GOLGA1: variants seen among roughly 807,000 people sequenced by gnomAD.
The protein encoded by GOLGA1 is golgin A1.
A neutral mutation model predicts 119.7 loss-of-function variants in GOLGA1; 63 were observed. The observed-to-expected ratio is 0.53, with a 90% CI of 0.43 to 0.65. GOLGA1 has a LOEUF of 0.65. GOLGA1 is among the 30% of genes least tolerant of loss of function. The pLI is 0.00. For synonymous variants in GOLGA1, 318 were observed against 333.4 expected (o/e 0.95, Z 0.50); for missense variants, 798 against 912.8 (o/e 0.87, Z 1.62).
intron 3 of GOLGA1, among the ~76,000 whole-genome samples, chr9:124,934,740 A>T (rs1375016852): frequency 1.3e-5 from 2 of 152,124 alleles, no homozygotes; most frequent in Non-Finnish European, 2.9e-5. Flanking sequence ...ACATGAACAG[A>T]TCTGCTTTTA....
intron 12 of GOLGA1, among the ~76,000 whole-genome samples, chr9:124,904,742 C>T (rs1398968226): frequency 1.3e-5 from 2 of 152,036 alleles, no homozygotes; most frequent in African/African-American, 2.4e-5. Flanking sequence ...GAGTTCAAGA[C>T]CAGCCTGGCC....
At chr9:124,932,723 T>C (rs190983002) in intron 3 of GOLGA1, among the ~76,000 whole-genome samples, 12 of 152,304 alleles carry the variant, frequency 7.9e-5, no homozygotes, top group East Asian at 1.9e-4. Flanking sequence ...ACAACAGAAA[T>C]GTATTTCTCA....
At chr9:124,899,598 C>G in intron 13 of GOLGA1, 120 bp from the exon 14 acceptor site, 1 of 1,028,694 alleles carries the variant, frequency 9.7e-7, no homozygotes, top group Non-Finnish European at 1.4e-6. Flanking sequence ...TGACCCCATC[C>G]CCCCTGGCGT....
At chr9:124,903,651 C>CAAAAAAAAA (rs11435294) in intron 12 of GOLGA1, among the ~76,000 whole-genome samples, 37 of 91,250 alleles carry the variant, frequency 4.1e-4, no homozygotes, top group Admixed American at 6.8e-4. Context: ...AGAAAAAGAC[C>CAAAAAAAAA]AAAAAAAAAA....
chr9:124,896,159 A>T (rs1564327248), intron 15 of GOLGA1, among the ~76,000 whole-genome samples: 2 of 152,172 alleles, frequency 1.3e-5, no homozygotes, highest in Non-Finnish European at 2.9e-5. Flanking sequence ...CACGCCTGTA[A>T]TCCCAGCACT....
chr9:124,886,019 G>T (rs1469594409), intron 19 of GOLGA1, among the ~76,000 whole-genome samples: 3 of 152,242 alleles, frequency 2.0e-5, no homozygotes, highest in Non-Finnish European at 4.4e-5. Flanking sequence ...TGCTGGTAGA[G>T]AAAGAACCAA....
chr9:124,941,190 G>C (rs921822682), upstream of GOLGA1: 2 of 152,290 alleles, frequency 1.3e-5, no homozygotes, highest in Non-Finnish European at 2.9e-5. Context: ...TACCACCTCT[G>C]AGCGGCGACT....
At chr9:124,908,860 C>T (rs1473225711) in intron 11 of GOLGA1, among the ~76,000 whole-genome samples, 3 of 152,180 alleles carry the variant, frequency 2.0e-5, no homozygotes, top group Non-Finnish European at 2.9e-5. Flanking sequence ...CAGCCTGCTA[C>T]GTTGAGGGAA....
intron 10 of GOLGA1, among the ~76,000 whole-genome samples, chr9:124,914,914 T>A (rs918608783): frequency 6.6e-6 from 1 of 152,226 alleles, no homozygotes; most frequent in South Asian, 2.1e-4. Context: ...AGAAAAAGAA[T>A]CAGTGGCCAA....
chr9:124,945,793 C>T (rs933964556), upstream of GOLGA1: 11 of 152,096 alleles, frequency 7.2e-5, no homozygotes, highest in African/African-American at 2.7e-4. Context: ...TCTTTTTGTT[C>T]AAAACTCAGT....
Position 124,888,040 on chromosome 9 carries a change from A to G in GOLGA1, c.1905+213T>C, listed in dbSNP as rs1159659224. On this transcript the variant is annotated intron_variant, in intron 19 of 22. Coordinates refer to ENST00000373555, the MANE Select transcript of GOLGA1 (RefSeq NM_002077.4). This position sits in a 1 kb window ranked among gnomAD's most constrained non-coding sequence, Gnocchi z 4.4. ...AAGCCTGACACTTGTCCAGTTCTCC[A>G]GGGGGTGGGGAGAAGAGGGCTGGGG... Among the ~76,000 whole-genome samples the G allele has an allele frequency of 6.6e-6, 1 of 151,886 alleles. No homozygotes were observed. The highest frequency in any genetic ancestry group is 1.5e-5 in the Non-Finnish European group (1 of 67,970).
rs1176485489 is a variant in GOLGA1 at position 124,907,724 on chromosome 9, T to C, written c.1065+653A>G. 3.3e-5 allele frequency among the ~76,000 whole-genome samples: 5 copies of C among 152,248 alleles called. No individual in the cohort carries two copies. In the East Asian group the frequency reaches 5.8e-4, roughly 18 times the overall value. On this transcript the variant is annotated intron_variant, in intron 12 of 22. Coordinates refer to ENST00000373555, the MANE Select transcript of GOLGA1 (RefSeq NM_002077.4). ...ACAAGGCCAAACTCATTAATCACCA[T>C]AGCAATGCAAATTAAAGCAATGAAA...
At chr9:124,914,075 A>G (rs1830390743) in intron 10 of GOLGA1, among the ~76,000 whole-genome samples, 1 of 152,228 alleles carries the variant, frequency 6.6e-6, no homozygotes, top group South Asian at 2.1e-4. Context: ...GATAGGAAAA[A>G]AAAAGCCAGT....
intron 10 of GOLGA1, among the ~76,000 whole-genome samples, chr9:124,919,551 G>A (rs187718485): frequency 3.9e-5 from 6 of 152,306 alleles, no homozygotes; most frequent in Admixed American, 2.0e-4. Context: ...ATCCAACTCT[G>A]TCACTTACGG....
Position 124,881,299 on chromosome 9 carries a change from G to T in GOLGA1, c.2137-42C>A. On this transcript the variant is annotated intron_variant, in intron 21 of 22. Coordinates refer to ENST00000373555, the MANE Select transcript of GOLGA1 (RefSeq NM_002077.4). The surrounding 1 kb of genome is among the most constrained non-coding windows in gnomAD (Gnocchi z 4.9). ...TTTGCTGCCATAGGCCTTGGTGAAGGTGAGGCGGGGTGGGGTCGGGGGAGC... is the reference window on the plus strand; with the variant it reads ...TTTGCTGCCATAGGCCTTGGTGAAGTTGAGGCGGGGTGGGGTCGGGGGAGC... 8.8e-7 allele frequency: 1 copy of T among 1,133,450 alleles called. No individual in the cohort carries two copies. Among genetic ancestry groups the T allele is most frequent in the Non-Finnish European group, 1.4e-6 (1 of 740,278 alleles). 70.2% of individuals were successfully genotyped at this position (1,133,450 alleles called of 1,614,324 possible).
chr9:124,928,109 G>T, intron 6 of GOLGA1, 79 bp downstream of exon 6: 1 of 629,190 alleles, frequency 1.6e-6, no homozygotes, highest in African/African-American at 1.9e-5. Context: ...ATTTTCTATA[G>T]GTTATGTCAT....
At chr9:124,919,522 G>T (rs1232947029) in intron 10 of GOLGA1, among the ~76,000 whole-genome samples, 1 of 152,166 alleles carries the variant, frequency 6.6e-6, no homozygotes, top group African/African-American at 2.4e-5. Flanking sequence ...ATGAGTTCTG[G>T]AGTAAGACTT....
In GOLGA1 at chr9:124,879,750, A is replaced by G. The variant is rs1829529936; in HGVS notation, c.*780T>C. On this transcript the variant is annotated 3_prime_UTR_variant, in exon 23 of 23. Coordinates refer to ENST00000373555, the MANE Select transcript of GOLGA1 (RefSeq NM_002077.4). ...AGTTAAATGGATTTTATAGTACAGA[A>G]GACATGTTTATAGTAGTGAAGAACT... is the stretch of plus-strand genomic sequence containing the variant. 2 of 130,916 alleles carry G rather than the reference A, an allele frequency of 1.5e-5. No homozygotes were observed. Among genetic ancestry groups the G allele is most frequent in the African/African-American group, 2.8e-5 (1 of 35,202 alleles). The allele number at this position is 130,916 out of a possible 1,614,324, so 8.1% of individuals were successfully genotyped here.
intron 10 of GOLGA1, 106 bp from the exon 11 acceptor site, chr9:124,912,132 T>A: frequency 1.1e-6 from 1 of 942,794 alleles, no homozygotes; most frequent in Non-Finnish European, 1.6e-6. Flanking sequence ...CTCAACTGTA[T>A]CCTAGAAGAA....
Sources: gnomAD v4.1 joint callset for allele counts (sites outside exome capture counted in the v4.1 genomes callset) on GRCh38, gnomAD v4.1.1 for gene constraint, Gnocchi (gnomAD v3.1) non-coding constraint, MANE v1.5 for transcripts, NCBI Gene and HGNC (gene_info 2026-07-23, HGNC 2026-07-21) for gene names.